GRM8: variants seen among roughly 807,000 people sequenced by gnomAD.
GRM8 encodes the protein glutamate metabotropic receptor 8, also known as metabotropic glutamate receptor 8.
In GRM8, 47 loss-of-function variants were observed where a neutral mutation model predicts 87.2. The ratio of observed to expected loss-of-function variants is 0.54; its 90% CI spans 0.43 to 0.69. GRM8 has a LOEUF of 0.69. GRM8 is among the 30% of genes least tolerant of loss of function. The pLI is 0.00. For missense variants in GRM8, 1,019 were observed against 1,139.2 expected, an observed-to-expected ratio of 0.89 and a Z score of 1.52; for synonymous variants, 396 against 404.5, an observed-to-expected ratio of 0.98 and a Z score of 0.25.
intron 6 of GRM8, among the ~76,000 whole-genome samples, chr7:126,897,024 A>G (rs1801608216): frequency 6.6e-6 from 1 of 152,208 alleles, no homozygotes; most frequent in South Asian, 2.1e-4. Flanking sequence ...CTAAATGAAT[A>G]ATGAATGAAT....
chr7:126,603,707 T>C (rs1798056473), intron 8 of GRM8, among the ~76,000 whole-genome samples: 1 of 152,102 alleles, frequency 6.6e-6, no homozygotes, highest in African/African-American at 2.4e-5. Context: ...ACTTATTTCA[T>C]AGGGTGAATA....
intron 6 of GRM8, among the ~76,000 whole-genome samples, chr7:126,844,177 C>A (rs538552574): frequency 1.3e-5 from 2 of 152,130 alleles, no homozygotes; most frequent in Non-Finnish European, 2.9e-5. Context: ...ATTTATAGAA[C>A]AACATTTTGA....
chr7:126,559,222 G>A (rs571970440), intron 8 of GRM8, among the ~76,000 whole-genome samples: 4 of 148,012 alleles, frequency 2.7e-5, no homozygotes, highest in Non-Finnish European at 4.4e-5. Flanking sequence ...GTGCGATCTC[G>A]GCTCACTGCA....
chr7:126,493,926 T>C lies in GRM8; in HGVS notation c.2430+39026A>G, dbSNP rs1007415003. ...GTTTATGTTTTTGGGATCAGCTGGC[T>C]GTAGAAGGCTGTCATGAGGAGCAGC... On this transcript the variant is annotated intron_variant, in intron 9 of 10. Coordinates refer to ENST00000339582, the MANE Select transcript of GRM8 (RefSeq NM_000845.3). Among the ~76,000 whole-genome samples, 10 of 152,090 alleles carry C rather than the reference T, an allele frequency of 6.6e-5. No individual in the cohort carries two copies. In the South Asian group the frequency reaches 2.1e-3, roughly 32 times the overall value.
intron 6 of GRM8, among the ~76,000 whole-genome samples, chr7:126,787,934 T>C (rs1467694504): frequency 6.6e-6 from 1 of 152,266 alleles, no homozygotes; most frequent in Middle Eastern, 3.4e-3. Flanking sequence ...TTCATTCTCT[T>C]AGACAAAAAA....
intron 7 of GRM8, among the ~76,000 whole-genome samples, chr7:126,639,404 G>C (rs1290032565): frequency 6.6e-6 from 1 of 152,126 alleles, no homozygotes; most frequent in Non-Finnish European, 1.5e-5. Flanking sequence ...CCCAAAGGGG[G>C]AGTTATTTGA....
intron 3 of GRM8, among the ~76,000 whole-genome samples, chr7:127,065,430 C>A (rs1158731987): frequency 6.6e-6 from 1 of 152,162 alleles, no homozygotes; most frequent in African/African-American, 2.4e-5. Context: ...GGCTTAAAAC[C>A]TGGGTGATGA....
intron 9 of GRM8, among the ~76,000 whole-genome samples, chr7:126,488,732 C>A (rs1807653531): frequency 6.6e-6 from 1 of 151,912 alleles, no homozygotes; most frequent in South Asian, 2.1e-4. Flanking sequence ...TTAGAATTAT[C>A]TTCCAAACTA....
At chr7:127,009,485 C>G (rs1456424285) in intron 3 of GRM8, among the ~76,000 whole-genome samples, 1 of 152,068 alleles carries the variant, frequency 6.6e-6, no homozygotes, top group African/African-American at 2.4e-5. Flanking sequence ...AAAGTATAAA[C>G]CTGACTCAGT....
At chr7:127,234,732 C>T (rs1167839453) in intron 2 of GRM8, among the ~76,000 whole-genome samples, 3 of 152,160 alleles carry the variant, frequency 2.0e-5, no homozygotes, top group Admixed American at 6.5e-5. Context: ...GGCTCAGGAA[C>T]GCGTGTTTCA....
chr7:126,735,497 A>C (rs1325208490), intron 7 of GRM8, among the ~76,000 whole-genome samples: 1 of 152,110 alleles, frequency 6.6e-6, no homozygotes, highest in East Asian at 1.9e-4. Flanking sequence ...TATGTATATG[A>C]CTATGAACAG....
chr7:127,126,297 C>T (rs1394388744), intron 2 of GRM8, among the ~76,000 whole-genome samples: 1 of 151,906 alleles, frequency 6.6e-6, no homozygotes, highest in African/African-American at 2.4e-5. Context: ...TACCATTCAG[C>T]CGTAAAAATA....
chr7:127,007,196 A>G (rs1222680788), intron 3 of GRM8, among the ~76,000 whole-genome samples: 1 of 152,014 alleles, frequency 6.6e-6, no homozygotes, highest in Non-Finnish European at 1.5e-5. Flanking sequence ...TATAAAATTA[A>G]TACAAATTGC....
intron 8 of GRM8, among the ~76,000 whole-genome samples, chr7:126,587,031 C>A (rs1208642292): frequency 1.3e-5 from 2 of 152,112 alleles, no homozygotes; most frequent in Non-Finnish European, 2.9e-5. Context: ...TGAACAGATA[C>A]ATCTCAAAAG....
intron 10 of GRM8, among the ~76,000 whole-genome samples, chr7:126,444,295 A>C (rs10954112): frequency 0.41 from 62,472 of 151,914 alleles, 12,839 homozygotes; most frequent in Middle Eastern, 0.53. Context: ...TGGCAGTTAC[A>C]GTATACCTTT....
chr7:126,573,543 C>A (rs1047147949), intron 8 of GRM8, among the ~76,000 whole-genome samples: 5 of 151,446 alleles, frequency 3.3e-5, no homozygotes, highest in African/African-American at 4.8e-5. Context: ...TAAAAGACAG[C>A]AAAAGTAAAC....
intron 2 of GRM8, among the ~76,000 whole-genome samples, chr7:127,138,158 G>T (rs1045271849): frequency 1.6e-4 from 24 of 152,108 alleles, no homozygotes; most frequent in Admixed American, 1.3e-4. Context: ...AGCCCTTAAC[G>T]GTTCAGTGCA....
chr7:126,582,630 G>C (rs56142844), intron 8 of GRM8, among the ~76,000 whole-genome samples: 19,485 of 152,172 alleles, frequency 0.13, 1,556 homozygotes, highest in South Asian at 0.17. Flanking sequence ...CTGGCTTCAA[G>C]CTTCAAAGGA....
intron 9 of GRM8, among the ~76,000 whole-genome samples, chr7:126,485,462 C>G (rs73722627): frequency 0.014 from 2,089 of 151,962 alleles, 46 homozygotes; most frequent in African/African-American, 0.048. Flanking sequence ...TGTCCTCGAT[C>G]CCCATAAGTA....
Sources: allele counts gnomAD v4.1 joint callset (sites outside exome capture counted in the v4.1 genomes callset), GRCh38; gene constraint gnomAD v4.1.1; transcripts MANE v1.5; gene names NCBI Gene and HGNC (gene_info 2026-07-23, HGNC 2026-07-21).